Variants in RAPGEF5 observed in about 807,000 individuals in gnomAD.
RAPGEF5 encodes the protein M-Ras-regulated GEF.
RAPGEF5 carries 65 observed loss-of-function variants against 125.2 expected under a neutral mutation model. The ratio of observed to expected loss-of-function variants is 0.52; its 90% CI spans 0.43 to 0.64. The LOEUF is 0.64. Ranked by LOEUF, RAPGEF5 falls within the 30% of genes least tolerant of loss-of-function variation. RAPGEF5 has a pLI of 0.00. For synonymous variants in RAPGEF5, 391 were observed against 385.9 expected, an observed-to-expected ratio of 1.01 and a Z score of -0.16; for missense variants, 958 against 1,048.1, an observed-to-expected ratio of 0.91 and a Z score of 1.19.
At position 22,136,061 on chromosome 7, in the gene RAPGEF5, G is replaced by A; in HGVS notation, c.2393C>T (p.Pro798Leu). ...AFKKMKPPKI[P>L]FMPLLLKDVT... ...ACCTTTAAGCAATAAGGGCATGAAA[G>A]GGATTTTTGGTGGCTTCATCTTTTT... is the stretch of plus-strand genomic sequence containing the variant. The change falls in exon 23 of 26, where the codon CCT becomes CTT. Residue 798 changes from proline (P) to leucine (L), a missense_variant. By Grantham distance (98) the Pro-to-Leu change is moderately conservative. Transcript: ENST00000665637. 1.9e-6 allele frequency: 3 copies of A among 1,610,590 alleles called. No homozygotes were observed. The highest frequency in any genetic ancestry group is 2.5e-6 in the Non-Finnish European group (3 of 1,177,396).
chr7:22,157,980 G>T (rs1037178537), intron 14 of RAPGEF5, 95 bp from the exon 15 acceptor site: 2 of 1,177,196 alleles, frequency 1.7e-6, no homozygotes, highest in Non-Finnish European at 2.5e-6. Flanking sequence ...ACTAGGCAGA[G>T]GATTTTGCTC....
At chr7:22,288,954 T>G (rs771748468) in intron 6 of RAPGEF5, among the ~76,000 whole-genome samples, 2 of 152,226 alleles carry the variant, frequency 1.3e-5, no homozygotes, top group Non-Finnish European at 2.9e-5. Context: ...CTTCTCTAAC[T>G]TGGTGGGTCT....
At chr7:22,167,272 G>T in intron 11 of RAPGEF5, 124 bp from the exon 12 acceptor site, 1 of 642,890 alleles carries the variant, frequency 1.6e-6, no homozygotes, top group Non-Finnish European at 2.6e-6. Context: ...GCTGTGGGAG[G>T]GATTAGGAGA....
chr7:22,266,507 T>C (rs1037747002), intron 7 of RAPGEF5, among the ~76,000 whole-genome samples: 2 of 152,272 alleles, frequency 1.3e-5, no homozygotes, highest in East Asian at 1.9e-4. Flanking sequence ...CTAGGAATAA[T>C]GTTTGCTTTG....
At chr7:22,341,546 T>C (rs1056647428) in intron 1 of RAPGEF5, among the ~76,000 whole-genome samples, 1 of 152,224 alleles carries the variant, frequency 6.6e-6, no homozygotes, top group Non-Finnish European at 1.5e-5. Context: ...ACAAGGCAAG[T>C]CCCTTCTGCC....
intron 1 of RAPGEF5, among the ~76,000 whole-genome samples, chr7:22,354,532 C>T (rs1260027039): frequency 6.6e-6 from 1 of 152,180 alleles, no homozygotes; most frequent in Non-Finnish European, 1.5e-5. Context: ...TTCTTTCAAA[C>T]CCCCTGTGTT....
intron 17 of RAPGEF5, 43 bp from the exon 18 acceptor site, chr7:22,150,547 A>G: frequency 1.9e-6 from 3 of 1,578,578 alleles, no homozygotes; most frequent in South Asian, 2.3e-5. Context: ...AATCAGAAAT[A>G]CAAGAGTAGC....
chr7:22,150,355 G>C, intron 18 of RAPGEF5, 52 bp downstream of exon 18: 3 of 1,565,026 alleles, frequency 1.9e-6, no homozygotes, highest in Non-Finnish European at 2.6e-6. Context: ...TTACAGGTAT[G>C]AGCCACCTCG....
Position 22,353,022 on chromosome 7 carries a change from C to T in RAPGEF5, c.231+3808G>A, listed in dbSNP as rs1285455061. Among the ~76,000 whole-genome samples, 5 of 152,190 alleles carry T rather than the reference C, an allele frequency of 3.3e-5. No individual in the cohort carries two copies. In the East Asian group the frequency reaches 5.8e-4, roughly 18 times the overall value. ...AGATATCCAGACATTATGCGTCTCA[C>T]GATGTGATGCAATAGATTTTACACA... is the stretch of plus-strand genomic sequence containing the variant. On this transcript the variant is annotated intron_variant, in intron 1 of 25. Coordinates refer to ENST00000665637, the MANE Select transcript of RAPGEF5 (RefSeq NM_012294.5).
chr7:22,236,319 A>G (rs763487718), intron 7 of RAPGEF5, among the ~76,000 whole-genome samples: 7 of 152,152 alleles, frequency 4.6e-5, no homozygotes, highest in Non-Finnish European at 1.5e-5. Context: ...CACTTCTCTG[A>G]GTTCCAGGCC....
At chr7:22,148,179 C>T (rs3807530) in intron 18 of RAPGEF5, among the ~76,000 whole-genome samples, 46,116 of 151,934 alleles carry the variant, frequency 0.3, 7,491 homozygotes, top group Non-Finnish European at 0.36. Flanking sequence ...TTGGTCTGGC[C>T]AGGCTAAGAC....
At chr7:22,288,414 T>C (rs1280535744) in intron 6 of RAPGEF5, among the ~76,000 whole-genome samples, 1 of 152,162 alleles carries the variant, frequency 6.6e-6, no homozygotes, top group African/African-American at 2.4e-5. Flanking sequence ...TTACTCAACT[T>C]CCTAAGAATA....
chr7:22,225,210 G>A (rs1336560952), intron 8 of RAPGEF5, among the ~76,000 whole-genome samples: 4 of 152,118 alleles, frequency 2.6e-5, no homozygotes, highest in Non-Finnish European at 4.4e-5. Context: ...TTCCCTTTCA[G>A]GAGGAAACAT....
rs377171694 is a variant in RAPGEF5 at position 22,156,893 on chromosome 7, G to T, written c.1558-5C>A. On this transcript the variant is annotated splice_region_variant and splice_polypyrimidine_tract_variant and intron_variant, in intron 15 of 25. Transcript: ENST00000665637. ...TTGGTGGAAAAGGGCTTTATTCTGT[G>T]AGATGGGAGAAAGAGAACAATGAAT... 2 of 1,613,738 alleles carry T rather than the reference G, an allele frequency of 1.2e-6. No individual in the cohort carries two copies. Among genetic ancestry groups the T allele is most frequent in the African/African-American group, 2.7e-5 (2 of 74,914 alleles).
chr7:22,339,249 A>C (rs1784082336), intron 1 of RAPGEF5, among the ~76,000 whole-genome samples: 2 of 152,174 alleles, frequency 1.3e-5, no homozygotes, highest in South Asian at 2.1e-4. Context: ...TGTTATCAAT[A>C]AACCTTCACT....
At chr7:22,162,321 T>A (rs1207937195) in intron 13 of RAPGEF5, 76 bp downstream of exon 13, 15 of 1,433,786 alleles carry the variant, frequency 1.0e-5, no homozygotes, top group Non-Finnish European at 1.4e-5. Context: ...TACCTACAAA[T>A]GAGATTTTTA....
chr7:22,182,349 G>T (rs1784700121), intron 11 of RAPGEF5, among the ~76,000 whole-genome samples: 1 of 152,150 alleles, frequency 6.6e-6, no homozygotes, highest in Admixed American at 6.6e-5. Context: ...AATTTCAGCT[G>T]CCGATGTTAG....
At chr7:22,286,981 C>T (rs1782813236) in intron 6 of RAPGEF5, among the ~76,000 whole-genome samples, 1 of 152,180 alleles carries the variant, frequency 6.6e-6, no homozygotes, top group African/African-American at 2.4e-5. Context: ...TCCAAGTTAA[C>T]AAAATGTGTA....
chr7:22,124,689 T>G lies in RAPGEF5; in HGVS notation c.2536+915A>C, dbSNP rs1782682675. ...AAAAAATTGTTTTACAATGGGCATG[T>G]CTTACTTAAAAAATGAAGTTGAACT... On this transcript the variant is annotated intron_variant, in intron 25 of 25. Coordinates refer to ENST00000665637, the MANE Select transcript of RAPGEF5 (RefSeq NM_012294.5). 2.0e-5 allele frequency among the ~76,000 whole-genome samples: 3 copies of G among 152,352 alleles called. No individual in the cohort carries two copies. The South Asian group carries it at 6.2e-4, about 32-fold the overall frequency.
Sources: gnomAD v4.1 joint callset for allele counts (sites outside exome capture counted in the v4.1 genomes callset) on GRCh38, gnomAD v4.1.1 for gene constraint, MANE v1.5 for transcripts, NCBI Gene and HGNC (gene_info 2026-07-23, HGNC 2026-07-21) for gene names.